The following SMARCC1 variants were observed in gnomAD, a reference collection of about 807,000 sequenced individuals.
SMARCC1 encodes SWI/SNF related BAF chromatin remodeling complex subunit C1.
Under a neutral mutation model 147.4 loss-of-function variants are expected in SMARCC1, and 43 were observed. That is an observed-to-expected ratio of 0.29 (90% CI 0.23 to 0.38). The LOEUF is 0.38. SMARCC1 is among the 10% of genes least tolerant of loss of function. The pLI is 1.00. For missense variants in SMARCC1, 1,119 were observed against 1,381.1 expected (o/e 0.81, Z 3.01); for synonymous variants, 495 against 484.4 (o/e 1.02, Z -0.29).
At chr3:47,689,544 T>C in intron 12 of SMARCC1, 120 bp from the exon 13 acceptor site, 1 of 786,812 alleles carries the variant, frequency 1.3e-6, no homozygotes, top group Non-Finnish European at 2.2e-6. Flanking sequence ...TAGTGCATTA[T>C]TAAAGCAAAA....
intron 1 of SMARCC1, among the ~76,000 whole-genome samples, chr3:47,780,842 AC>A (rs1033327323): frequency 1.1e-4 from 17 of 152,202 alleles, no homozygotes; most frequent in Admixed American, 3.9e-4. Context: ...AAAAAAAAAA[AC>A]ATTTGTTATA....
rs184369851 is a variant in SMARCC1, at chr3:47,729,471, C to T, written c.577-377G>A. 4.3e-3 allele frequency among the ~76,000 whole-genome samples: 660 copies of T among 152,236 alleles called. 8 individuals carry two copies. Among genetic ancestry groups the T allele is most frequent in the Non-Finnish European group, 3.5e-3 (240 of 68,002 alleles). On this transcript the variant is annotated intron_variant, in intron 5 of 27. Transcript: ENST00000254480. Reference sequence around the variant, plus strand: ...AATCTTGGCTCACTGCAACCTCCTCCGTCTCCTGGGTTCAAACGATTCTCC... The same window carrying T: ...AATCTTGGCTCACTGCAACCTCCTCTGTCTCCTGGGTTCAAACGATTCTCC...
At chr3:47,756,641 A>T (rs962247270) in intron 2 of SMARCC1, among the ~76,000 whole-genome samples, 5 of 152,126 alleles carry the variant, frequency 3.3e-5, no homozygotes, top group Admixed American at 6.6e-5. Context: ...ATGGCAAATA[A>T]TGGTCCACGG....
Position 47,710,679 on chromosome 3 carries a change from A to G in SMARCC1, c.918+4T>C. On this transcript the variant is annotated splice_donor_region_variant and intron_variant, in intron 9 of 27. Transcript: ENST00000254480. The stretch of plus-strand genomic sequence containing the variant: ...ATGATGAGAAACTGTGCCAAAGAAA[A>G]TACCTCTTCATTCTTGGTTGAAATC... 2 of 1,612,858 alleles carry G rather than the reference A, an allele frequency of 1.2e-6. No individual in the cohort carries two copies. Among genetic ancestry groups the G allele is most frequent in the Non-Finnish European group, 1.7e-6 (2 of 1,179,636 alleles).
At chr3:47,668,953 GATTT>G (rs1336309604) in intron 19 of SMARCC1, among the ~76,000 whole-genome samples, 1 of 151,060 alleles carries the variant, frequency 6.6e-6, no homozygotes, top group Non-Finnish European at 1.5e-5. Context: ...CAGATTTATC[GATTT>G]ATTAGAAAGA....
chr3:47,711,909 A>T (rs1382504138), intron 8 of SMARCC1, among the ~76,000 whole-genome samples: 2 of 152,228 alleles, frequency 1.3e-5, no homozygotes, highest in African/African-American at 4.8e-5. Flanking sequence ...AAGAGTGTAT[A>T]AACAGAGCAG....
intron 2 of SMARCC1, among the ~76,000 whole-genome samples, chr3:47,770,351 T>C (rs2034898623): frequency 6.6e-6 from 1 of 152,074 alleles, no homozygotes. Context: ...CCAGGCACAG[T>C]GGCTCACACC....
chr3:47,781,480 C>G, intron 1 of SMARCC1, 123 bp downstream of exon 1: 1 of 593,712 alleles, frequency 1.7e-6, no homozygotes, highest in Admixed American at 4.6e-5. Context: ...GCGGGCCCGG[C>G]GCCTGCCTTT....
intron 26 of SMARCC1, among the ~76,000 whole-genome samples, chr3:47,600,997 ATGAGAGAG>A (rs1288142586): frequency 9.7e-4 from 28 of 28,860 alleles, no homozygotes; most frequent in African/African-American, 3.8e-3. Context: ...GAGGAAGAAA[ATGAGAGAG>A]AGAGAGAGAG....
At chr3:47,643,928 C>T (rs945463417) in intron 21 of SMARCC1, among the ~76,000 whole-genome samples, 7 of 152,260 alleles carry the variant, frequency 4.6e-5, no homozygotes, top group South Asian at 2.1e-4. Context: ...GGGAAGCTCA[C>T]GCCTATAATC....
chr3:47,726,317 A>G (rs957499075), intron 6 of SMARCC1, among the ~76,000 whole-genome samples: 9 of 152,044 alleles, frequency 5.9e-5, no homozygotes, highest in Non-Finnish European at 1.0e-4. Flanking sequence ...GGCAACCAAT[A>G]TGTATGGATA....
chr3:47,730,382 G>A (rs1003871398), intron 5 of SMARCC1, among the ~76,000 whole-genome samples: 6 of 151,876 alleles, frequency 4.0e-5, no homozygotes, highest in African/African-American at 1.5e-4. Flanking sequence ...CTCAGGAGGT[G>A]AGGTGGGAGG....
intron 1 of SMARCC1, among the ~76,000 whole-genome samples, chr3:47,778,366 T>G (rs535000683): frequency 1.3e-5 from 2 of 152,122 alleles, no homozygotes; most frequent in African/African-American, 4.8e-5. Context: ...TGGAGTGCAA[T>G]GGTGCCAACA....
chr3:47,686,396 G>A (rs2033723890), intron 13 of SMARCC1, among the ~76,000 whole-genome samples: 1 of 152,162 alleles, frequency 6.6e-6, no homozygotes, highest in South Asian at 2.1e-4. Flanking sequence ...GGGAATCAAT[G>A]CAGAGAAGGT....
Position 47,590,703 on chromosome 3 carries a change from T to C in SMARCC1, c.3178A>G (p.Ile1060Val). The change falls in exon 27 of 28, where the codon ATC becomes GTC. Residue 1060 changes from isoleucine (I) to valine (V), a missense_variant. Around this residue, in one of 6 missense-constraint regions of SMARCC1, gnomAD observed 186 missense variants for 216.5 expected, o/e 0.86. Coordinates refer to ENST00000254480, the MANE Select transcript of SMARCC1 (RefSeq NM_003074.4). Reference sequence around the variant, plus strand: ...GTCAGGGGTACCCGGGGTCCTAAGATGTTTCCTGGCATTGGTGGCATGCCA... The same window carrying C: ...GTCAGGGGTACCCGGGGTCCTAAGACGTTTCCTGGCATTGGTGGCATGCCA... ...PPGMPPMPGN[I>V]LGPRVPLTAP... 6.4e-7 allele frequency: 1 copy of C among 1,568,052 alleles called. No individual in the cohort carries two copies. Among genetic ancestry groups the C allele is most frequent in the South Asian group, 1.2e-5 (1 of 84,280 alleles).
chr3:47,679,450 C>A (rs556268021), intron 15 of SMARCC1, among the ~76,000 whole-genome samples: 2 of 152,300 alleles, frequency 1.3e-5, no homozygotes, highest in South Asian at 4.1e-4. Flanking sequence ...CATTCACATG[C>A]AGCTATATCA....
chr3:47,774,068 G>T (rs1338208037), intron 1 of SMARCC1, among the ~76,000 whole-genome samples: 2 of 151,810 alleles, frequency 1.3e-5, no homozygotes, highest in African/African-American at 4.8e-5. Flanking sequence ...ACATTTCAAG[G>T]TTAATGTGGT....
intron 2 of SMARCC1, among the ~76,000 whole-genome samples, chr3:47,750,256 G>A (rs1430493377): frequency 6.6e-6 from 1 of 152,082 alleles, no homozygotes; most frequent in Non-Finnish European, 1.5e-5. Flanking sequence ...CCAACATGGT[G>A]AAACCATGTC....
At chr3:47,765,217 C>T (rs919552620) in intron 2 of SMARCC1, among the ~76,000 whole-genome samples, 10 of 151,810 alleles carry the variant, frequency 6.6e-5, no homozygotes, top group East Asian at 1.9e-4. Flanking sequence ...TGCCATTGCA[C>T]GCCAGCCTGA....
Sources: allele counts gnomAD v4.1 joint callset (sites outside exome capture counted in the v4.1 genomes callset), GRCh38; gene constraint gnomAD v4.1.1; regional missense constraint gnomAD v4.1.1; transcripts MANE v1.5; gene names NCBI Gene and HGNC (gene_info 2026-07-23, HGNC 2026-07-21).